The following OGDHL variants were observed in gnomAD, a reference collection of about 807,000 sequenced individuals.
OGDHL encodes the protein 2-oxoglutarate dehydrogenase-like, mitochondrial.
OGDHL carries 79 observed loss-of-function variants against 109.6 expected under a neutral mutation model. The ratio of observed to expected loss-of-function variants is 0.72; its 90% confidence interval spans 0.60 to 0.87. The LOEUF is 0.87. Ranked by LOEUF, OGDHL falls within the 40% of genes least tolerant of loss-of-function variation. The pLI, the probability that OGDHL is intolerant of heterozygous loss-of-function variation, is 0.00. For synonymous variants in OGDHL, 528 were observed against 537.2 expected, an observed-to-expected ratio of 0.98 and a Z score of 0.24; for missense variants, 1,275 against 1,362.2, an observed-to-expected ratio of 0.94 and a Z score of 1.01.
At chr10:49,747,580 T>C (rs930085450) in intron 8 of OGDHL, among the ~76,000 whole-genome samples, 13 of 152,304 alleles carry the variant, frequency 8.5e-5, no homozygotes, top group African/African-American at 2.9e-4. Flanking sequence ...CCCTGACTCC[T>C]CACACCAATG....
At chr10:49,753,545 GA>G (rs1440186323) in intron 3 of OGDHL, among the ~76,000 whole-genome samples, 1 of 152,070 alleles carries the variant, frequency 6.6e-6, no homozygotes, top group Non-Finnish European at 1.5e-5. Context: ...AAGACAAACA[GA>G]AAAAAATTCA....
intron 17 of OGDHL, chr10:49,739,348 C>T (rs1841462294): frequency 3.4e-6 from 1 of 293,122 alleles, no homozygotes; most frequent in Non-Finnish European, 6.3e-6. Flanking sequence ...TCTGTTTCCT[C>T]ATCTGAAAAG....
chr10:49,753,888 TAAAAAAAA>T (rs63200161), intron 3 of OGDHL, among the ~76,000 whole-genome samples: 9 of 87,270 alleles, frequency 1.0e-4, no homozygotes, highest in African/African-American at 3.2e-4. Context: ...AAACTCCATC[TAAAAAAAA>T]AAAAAAAAAA....
chr10:49,760,721 C>T (rs940140155), intron 1 of OGDHL, among the ~76,000 whole-genome samples: 10 of 152,222 alleles, frequency 6.6e-5, no homozygotes, highest in Non-Finnish European at 1.3e-4. Flanking sequence ...AACAGAGAAA[C>T]TGAGGTGCAA....
At chr10:49,759,492 G>A (rs1054318205) in intron 1 of OGDHL, among the ~76,000 whole-genome samples, 3 of 149,276 alleles carry the variant, frequency 2.0e-5, no homozygotes, top group Non-Finnish European at 4.4e-5. Flanking sequence ...AGTGATGGGG[G>A]CTTTCTCTAT....
chr10:49,737,317 C>CTCACACAGG (rs1841270286), intron 20 of OGDHL, among the ~76,000 whole-genome samples: 1 of 152,174 alleles, frequency 6.6e-6, no homozygotes, highest in Non-Finnish European at 1.5e-5. Context: ...CTCCACCAGC[C>CTCACACAGG]TCACACCTGT....
chr10:49,753,641 A>G (rs1842743922), intron 3 of OGDHL, among the ~76,000 whole-genome samples: 1 of 152,184 alleles, frequency 6.6e-6, no homozygotes, highest in Admixed American at 6.5e-5. Flanking sequence ...CTGTAATCCT[A>G]GCACTTTGGG....
Position 49,744,006 on chromosome 10 carries a change from T to G in OGDHL, c.1849A>C (p.Lys617Gln). 2 of 1,611,870 alleles carry G rather than the reference T, an allele frequency of 1.2e-6. No homozygotes were observed. The highest frequency in any genetic ancestry group is 1.7e-6 in the Non-Finnish European group (2 of 1,178,918). ...VASSVPLEDF[K>Q]IHTGLSRILR... ...CCAGCAACCTCACCAGTGTGGATCT[T>G]AAAGTCCTCCAGGGGCACAGAGCTG... Residue 617 changes from lysine to glutamine, a missense_variant, in exon 14 of 23, where the codon AAG becomes CAG. By Grantham distance (53) the Lys-to-Gln change is moderately conservative. Coordinates refer to ENST00000374103, the MANE Select transcript of OGDHL (RefSeq NM_018245.3).
chr10:49,753,895 A>G (rs1320828474), intron 3 of OGDHL, among the ~76,000 whole-genome samples: 1 of 151,418 alleles, frequency 6.6e-6, no homozygotes, highest in Non-Finnish European at 1.5e-5. Flanking sequence ...ATCTAAAAAA[A>G]AAAAAAAAAA....
chr10:49,744,221 A>C (rs1416753014), intron 13 of OGDHL, 99 bp from the exon 14 acceptor site: 1 of 1,472,522 alleles, frequency 6.8e-7, no homozygotes, highest in East Asian at 2.3e-5. Flanking sequence ...ATGGCTTCCC[A>C]AACTCCACCG....
chr10:49,740,599 C>A, intron 16 of OGDHL, 111 bp downstream of exon 16: 5 of 1,339,600 alleles, frequency 3.7e-6, no homozygotes, highest in Non-Finnish European at 4.0e-6. Flanking sequence ...CCCCTAAGGG[C>A]CTCTGAGCAT....
intron 21 of OGDHL, 38 bp from the exon 22 acceptor site, chr10:49,736,215 G>A (rs1298654937): frequency 1.9e-6 from 3 of 1,570,444 alleles, no homozygotes; most frequent in Admixed American, 3.5e-5. Context: ...GCCAGAGGAG[G>A]GGCGGTATGT....
chr10:49,740,616 C>A (rs1373545200), intron 16 of OGDHL, 94 bp downstream of exon 16: 2 of 1,460,422 alleles, frequency 1.4e-6, no homozygotes, highest in African/African-American at 1.4e-5. Flanking sequence ...GCATCTCTCG[C>A]CCCTCCCAGG....
chr10:49,751,032 G>A (rs1208416248), intron 6 of OGDHL, 47 bp from the exon 7 acceptor site: 10 of 1,519,236 alleles, frequency 6.6e-6, no homozygotes, highest in Non-Finnish European at 8.9e-6. Flanking sequence ...GGATGGAGAG[G>A]GAGGGGACTG....
At chr10:49,761,708 G>T (rs1467948049) in intron 1 of OGDHL, among the ~76,000 whole-genome samples, 1 of 152,182 alleles carries the variant, frequency 6.6e-6, no homozygotes, top group African/African-American at 2.4e-5. Flanking sequence ...ATCTCCCGGG[G>T]GGCGGAAGAA....
intron 20 of OGDHL, among the ~76,000 whole-genome samples, 176 bp downstream of exon 20, chr10:49,737,610 G>A (rs1374695544): frequency 6.6e-6 from 1 of 152,158 alleles, no homozygotes; most frequent in Non-Finnish European, 1.5e-5. Context: ...AGCTGGCCCA[G>A]GTCAGCCATT....
At chr10:49,744,450 C>G (rs1222794127) in intron 13 of OGDHL, among the ~76,000 whole-genome samples, 200 bp downstream of exon 13, 1 of 152,174 alleles carries the variant, frequency 6.6e-6, no homozygotes, top group African/African-American at 2.4e-5. Flanking sequence ...CAGTGAGCAC[C>G]TGGCCATCCA....
At chr10:49,740,863 GA>G (rs758081694) in intron 15 of OGDHL, 26 bp from the exon 16 acceptor site, 2 of 1,613,162 alleles carry the variant, frequency 1.2e-6, no homozygotes, top group East Asian at 4.5e-5. Context: ...CCGGGGCAGG[GA>G]CAGAGGGCAG....
Position 49,751,918 on chromosome 10 carries a change from A to G in OGDHL, c.658T>C (p.Trp220Arg). Residue 220 changes from tryptophan to arginine, a missense_variant, in exon 6 of 23, where the codon TGG (tryptophan) becomes CGG (arginine). Transcript: ENST00000374103. ...MFINDVEQCQ[W>R]IRQKFETPGV... Reference sequence around the variant, plus strand: ...GGGGTCTCAAACTTCTGCCGGATCCACTGGCACTGCTCCACATCGTTGATG... The same window carrying G: ...GGGGTCTCAAACTTCTGCCGGATCCGCTGGCACTGCTCCACATCGTTGATG... 6.2e-7 allele frequency: 1 copy of G among 1,614,182 alleles called. No individual in the cohort carries two copies.
Sources: allele counts gnomAD v4.1 joint callset (sites outside exome capture counted in the v4.1 genomes callset), GRCh38; gene constraint gnomAD v4.1.1; transcripts MANE v1.5; gene names NCBI Gene and HGNC (gene_info 2026-07-23, HGNC 2026-07-21).